CPA6: variants seen among roughly 807,000 people sequenced by gnomAD.
CPA6 encodes carboxypeptidase A6.
A neutral mutation model predicts 63.3 loss-of-function variants in CPA6; 58 were observed. The ratio of observed to expected loss-of-function variants is 0.92; its 90% CI spans 0.74 to 1.14. The LOEUF is 1.14. Ranked by LOEUF, CPA6 falls within the 50% of genes most tolerant of loss-of-function variation. The pLI is 0.00. For missense variants in CPA6, 565 were observed against 526.6 expected (o/e 1.07, Z -0.71); for synonymous variants, 185 against 179.0 (o/e 1.03, Z -0.27).
chr8:67,722,224 C>T (rs763428914), intron 1 of CPA6, among the ~76,000 whole-genome samples: 3 of 152,162 alleles, frequency 2.0e-5, no homozygotes, highest in Admixed American at 1.3e-4. Context: ...ATTTGACCTT[C>T]GGCAGGCAGC....
In CPA6 at chr8:67,470,405, C is replaced by T. The variant is rs143916786; in HGVS notation, c.838+13363G>A. Among the ~76,000 whole-genome samples, 56 of 152,126 alleles carry T rather than the reference C, an allele frequency of 3.7e-4. No homozygotes were observed. The Middle Eastern group carries it at 0.014, about 37-fold the overall frequency. On this transcript the variant is annotated intron_variant, in intron 8 of 10. Coordinates refer to ENST00000297770, the MANE Select transcript of CPA6 (RefSeq NM_020361.5). ...GAGATATATGCCATCCCAGTTACAG[C>T]GCCCAGCTTAGATGATCACATTAAA...
chr8:67,424,555 T>C (rs1809842836), intron 10 of CPA6, among the ~76,000 whole-genome samples: 1 of 152,208 alleles, frequency 6.6e-6, no homozygotes, highest in South Asian at 2.1e-4. Flanking sequence ...TGTTATTAAT[T>C]ATGCATCTGC....
chr8:67,716,791 C>T (rs529918830), intron 1 of CPA6, among the ~76,000 whole-genome samples: 6 of 152,094 alleles, frequency 3.9e-5, no homozygotes, highest in South Asian at 4.2e-4. Context: ...ATTTTTTGGC[C>T]CCCAGATTTA....
chr8:67,519,687 G>A (rs941425784), intron 2 of CPA6, among the ~76,000 whole-genome samples: 2 of 152,146 alleles, frequency 1.3e-5, no homozygotes, highest in African/African-American at 2.4e-5. Context: ...AGCGCACAAC[G>A]GAAGTGTGAG....
At chr8:67,570,898 G>A (rs1160862477) in intron 2 of CPA6, among the ~76,000 whole-genome samples, 1 of 152,124 alleles carries the variant, frequency 6.6e-6, no homozygotes, top group Admixed American at 6.5e-5. Context: ...CAAAGACATA[G>A]AGTGAATGAA....
At chr8:67,726,406 G>A (rs1280615014) in intron 1 of CPA6, among the ~76,000 whole-genome samples, 4 of 152,146 alleles carry the variant, frequency 2.6e-5, no homozygotes, top group African/African-American at 4.8e-5. Flanking sequence ...GGCAAATGAC[G>A]ACGTTTAACC....
intron 8 of CPA6, among the ~76,000 whole-genome samples, chr8:67,475,789 CTTTCTTTCTTTCTTT>C (rs1281678976): frequency 0.12 from 9,321 of 76,270 alleles, 681 homozygotes; most frequent in African/African-American, 0.17. Context: ...TTCTTTCTTT[CTTTCTTTCTTTCTTT>C]CTTTCTTTCT....
At chr8:67,431,119 C>G (rs1488535534) in intron 9 of CPA6, among the ~76,000 whole-genome samples, 36 of 152,170 alleles carry the variant, frequency 2.4e-4, no homozygotes, top group Non-Finnish European at 1.5e-5. Context: ...CAGCCTGGGC[C>G]TCCCAAAGTG....
At chr8:67,618,711 T>G (rs938474155) in intron 2 of CPA6, among the ~76,000 whole-genome samples, 1 of 152,336 alleles carries the variant, frequency 6.6e-6, no homozygotes, top group Non-Finnish European at 1.5e-5. Context: ...GAAATACCAT[T>G]AATTGTTCTT....
intron 1 of CPA6, among the ~76,000 whole-genome samples, chr8:67,724,464 CA>C (rs1373023548): frequency 6.6e-6 from 1 of 152,198 alleles, no homozygotes; most frequent in Non-Finnish European, 1.5e-5. Flanking sequence ...GTACACAAAA[CA>C]AAAAGCCCCA....
intron 1 of CPA6, among the ~76,000 whole-genome samples, chr8:67,638,684 G>A (rs574602783): frequency 2.6e-5 from 4 of 151,676 alleles, no homozygotes; most frequent in African/African-American, 9.8e-5. Context: ...AGGTGCAAAG[G>A]CCTCGTCCCC....
intron 8 of CPA6, among the ~76,000 whole-genome samples, chr8:67,472,854 A>G (rs1811093882): frequency 6.6e-6 from 1 of 152,226 alleles, no homozygotes; most frequent in Non-Finnish European, 1.5e-5. Context: ...AAATTCTTAC[A>G]CATTTACTCA....
At chr8:67,537,909 G>T (rs1286456401) in intron 2 of CPA6, among the ~76,000 whole-genome samples, 2 of 152,126 alleles carry the variant, frequency 1.3e-5, no homozygotes, top group African/African-American at 2.4e-5. Context: ...TGGTTTCAAA[G>T]AACTTATTTA....
At chr8:67,738,082 G>A (rs143376091) in intron 1 of CPA6, among the ~76,000 whole-genome samples, 1 of 151,978 alleles carries the variant, frequency 6.6e-6, no homozygotes, top group African/African-American at 2.4e-5. Context: ...TCCATTTGGA[G>A]ATATTGTTAT....
intron 1 of CPA6, among the ~76,000 whole-genome samples, chr8:67,638,463 T>A (rs949916772): frequency 6.6e-6 from 1 of 151,520 alleles, no homozygotes; most frequent in Non-Finnish European, 1.5e-5. Context: ...GGATTTGTGT[T>A]CAAGTAGTCA....
intron 6 of CPA6, among the ~76,000 whole-genome samples, chr8:67,500,755 A>C (rs955229102): frequency 2.6e-5 from 4 of 151,432 alleles, no homozygotes; most frequent in African/African-American, 9.8e-5. Flanking sequence ...ATATACAAAA[A>C]AAGATTCATT....
At chr8:67,557,286 G>T (rs376636869) in intron 2 of CPA6, among the ~76,000 whole-genome samples, 1 of 152,244 alleles carries the variant, frequency 6.6e-6, no homozygotes, top group East Asian at 1.9e-4. Flanking sequence ...AAGCCTGCAG[G>T]TTATTCTCTA....
At chr8:67,664,224 G>A (rs1375064965) in intron 1 of CPA6, among the ~76,000 whole-genome samples, 1 of 152,206 alleles carries the variant, frequency 6.6e-6, no homozygotes, top group African/African-American at 2.4e-5. Context: ...TGCGAGGTGA[G>A]AGACTTTGAT....
chr8:67,687,296 T>C (rs943952077), intron 1 of CPA6, among the ~76,000 whole-genome samples: 2 of 152,142 alleles, frequency 1.3e-5, no homozygotes, highest in African/African-American at 4.8e-5. Context: ...TCCCTTGAGA[T>C]ACCTTGTTGC....
Sources: allele counts gnomAD v4.1 joint callset (sites outside exome capture counted in the v4.1 genomes callset), GRCh38; gene constraint gnomAD v4.1.1; transcripts MANE v1.5; gene names NCBI Gene and HGNC (gene_info 2026-07-23, HGNC 2026-07-21).